CRYBG2: variants seen among roughly 807,000 people sequenced by gnomAD.
CRYBG2 encodes crystallin beta-gamma domain containing 2, also known as beta/gamma crystallin domain-containing protein 2.
Under a neutral mutation model 153.4 loss-of-function variants are expected in CRYBG2, and 106 were observed. That is an observed-to-expected ratio of 0.69 (90% CI 0.59 to 0.81). The LOEUF (loss-of-function observed/expected upper bound fraction) is 0.81, where lower values mean the gene tolerates loss of function less well. CRYBG2 is among the 30% of genes least tolerant of loss of function. The pLI is 0.00. For synonymous variants in CRYBG2, 851 were observed against 877.8 expected, an observed-to-expected ratio of 0.97 and a Z score of 0.54; for missense variants, 1,996 against 2,112.0, an observed-to-expected ratio of 0.95 and a Z score of 1.08.
intron 18 of CRYBG2, 34 bp from the exon 19 acceptor site, chr1:26,322,357 TC>T (rs1294841433): frequency 1.9e-6 from 3 of 1,594,996 alleles, no homozygotes. Flanking sequence ...GCATTGTTCC[TC>T]CCCACAGGGA....
rs1337162541 is a variant in CRYBG2, at chr1:26,345,577, C to A, written c.1081G>T (p.Val361Phe). ...VPSSPRLETH[V>F]PSPGLTHPAK... ...GGGTGAGTTAGGCCAGGAGAGGGGACATGGGTCTCGAGTCTGGGAGAGGAG... is the reference window on the plus strand; with the variant it reads ...GGGTGAGTTAGGCCAGGAGAGGGGAAATGGGTCTCGAGTCTGGGAGAGGAG... Residue 361 changes from valine (V) to phenylalanine (F), a missense_variant, in exon 2 of 20, where the codon GTC (valine) becomes TTC (phenylalanine). By Grantham distance (50) the Val-to-Phe change is conservative. Transcript: ENST00000308182. 9 of 1,604,582 alleles carry A rather than the reference C, an allele frequency of 5.6e-6. No individual in the cohort carries two copies. In the South Asian group the frequency reaches 8.8e-5, roughly 16 times the overall value.
intron 18 of CRYBG2, 70 bp from the exon 19 acceptor site, chr1:26,322,393 G>T: frequency 6.6e-7 from 1 of 1,516,988 alleles, no homozygotes; most frequent in South Asian, 1.2e-5. Context: ...AGAAACCCTT[G>T]ACCCATCTGC....
At position 26,343,428 on chromosome 1, in the gene CRYBG2, C is replaced by T; in HGVS notation, c.2914-135G>A. Reference sequence around the variant, plus strand: ...AAGGAGCTGGCGCATAGAGGATGCTCACACTTGTTCCCAACCCCCAAGGGC... The same window carrying T: ...AAGGAGCTGGCGCATAGAGGATGCTTACACTTGTTCCCAACCCCCAAGGGC... On this transcript the variant is annotated intron_variant, in intron 2 of 19. Coordinates refer to ENST00000308182, the MANE Select transcript of CRYBG2 (RefSeq NM_001039775.4). This position sits in a 1 kb window ranked among gnomAD's most constrained non-coding sequence, Gnocchi z 4.1. 2.7e-6 allele frequency: 3 copies of T among 1,121,930 alleles called. No homozygotes were observed. The highest frequency in any genetic ancestry group is 3.9e-6 in the Non-Finnish European group (3 of 767,700). The allele number at this position is 1,121,930 out of a possible 1,614,324, so 69.5% of individuals were successfully genotyped here.
intron 1 of CRYBG2, among the ~76,000 whole-genome samples, chr1:26,348,478 T>C (rs1353388378): frequency 6.6e-6 from 1 of 152,238 alleles, no homozygotes; most frequent in South Asian, 2.1e-4. Flanking sequence ...GGAGGATCAC[T>C]TGAGCCCAGG....
intron 9 of CRYBG2, 57 bp downstream of exon 9, chr1:26,337,481 C>A: frequency 6.2e-7 from 1 of 1,604,282 alleles, no homozygotes; most frequent in South Asian, 1.1e-5. Context: ...TCACTCCCCA[C>A]TCCCAAGGGT....
At chr1:26,327,790 T>C (rs2073949772) in intron 17 of CRYBG2, among the ~76,000 whole-genome samples, 1 of 151,444 alleles carries the variant, frequency 6.6e-6, no homozygotes, top group Non-Finnish European at 1.5e-5. Context: ...CTACTAAAAA[T>C]ACAAAAATTA....
chr1:26,338,240 T>C, intron 7 of CRYBG2, 111 bp downstream of exon 7: 1 of 1,485,596 alleles, frequency 6.7e-7, no homozygotes, highest in South Asian at 1.3e-5. Flanking sequence ...CTCCAAGGGG[T>C]GCTGTTTTAC....
At position 26,337,030 on chromosome 1, in the gene CRYBG2, C is replaced by T. The variant is rs561917384; in HGVS notation, c.3772-50G>A. ...CTCTCCCGCCCACAAACCGAAACCC[C>T]TGGGAGTGCCCAGACCCCAGGGTCA... On this transcript the variant is annotated intron_variant, in intron 10 of 19. Transcript: ENST00000308182. 7 of 1,605,574 alleles carry T rather than the reference C, an allele frequency of 4.4e-6. No homozygotes were observed. In the South Asian group the frequency reaches 7.8e-5, roughly 18 times the overall value.
Position 26,346,688 on chromosome 1 carries a change from C to A in CRYBG2, c.-31G>T. 1 of 1,490,984 alleles carries A rather than the reference C, an allele frequency of 6.7e-7. No individual in the cohort carries two copies. The highest frequency in any genetic ancestry group is 2.5e-5 in the East Asian group (1 of 40,400). The allele number at this position is 1,490,984 out of a possible 1,614,324, so 92.4% of individuals were successfully genotyped here. The stretch of plus-strand genomic sequence containing the variant: ...GCCCTGGCAACCTGTCTGGAGGTGT[C>A]CTTGTCCCACTGTGGTCCAGCTCCC... On this transcript the variant is annotated 5_prime_UTR_variant, in exon 2 of 20. Transcript: ENST00000308182. The surrounding 1 kb of genome is among the most constrained non-coding windows in gnomAD (Gnocchi z 4.9).
In CRYBG2 at chr1:26,344,216, G is replaced by T. The variant is rs766842233; in HGVS notation, c.2442C>A (p.Gly814=). The T allele has an allele frequency of 1.1e-5, 17 of 1,535,532 alleles. No individual in the cohort carries two copies. The highest frequency in any genetic ancestry group is 7.9e-5 in the Admixed American group (4 of 50,890). Residue 814 remains glycine (G), a synonymous_variant, in exon 2 of 20, where the codon GGC becomes GGA. Transcript: ENST00000308182. ...EEDQLGPWVL[G]PGPQEVPSLE... is the part of the protein sequence containing the mutation. ...GTGAAGGCACCTCCTGGGGTCCGGG[G>T]CCCAGCACCCATGGCCCCAGCTGGT...
Position 26,345,702 on chromosome 1 carries a change from C to T in CRYBG2, c.956G>A (p.Arg319Lys), listed in dbSNP as rs746466537. The change falls in exon 2 of 20, where the codon AGA (arginine) becomes AAA (lysine). Residue 319 changes from arginine (R) to lysine (K), a missense_variant. Coordinates refer to ENST00000308182, the MANE Select transcript of CRYBG2 (RefSeq NM_001039775.4). ...CTCACAGGCCCTGGCATCCGGGGCT[C>T]TGCCCTGGTCTCTGTCCGGACAGGC... ...PAACPDRDQG[R>K]APDARACELW... The T allele has an allele frequency of 6.9e-6, 11 of 1,597,778 alleles. No individual in the cohort carries two copies. The highest frequency in any genetic ancestry group is 2.2e-5 in the South Asian group (2 of 90,968).
chr1:26,332,999 G>A (rs2124699115), intron 14 of CRYBG2, among the ~76,000 whole-genome samples: 2 of 39,760 alleles, frequency 5.0e-5, no homozygotes, highest in African/African-American at 8.7e-5. Flanking sequence ...GCCAGTGGAT[G>A]AACACACCAA....
chr1:26,345,427 C>T lies in CRYBG2; in HGVS notation c.1231G>A (p.Glu411Lys), dbSNP rs577661142. 122 of 1,608,290 alleles carry T rather than the reference C, an allele frequency of 7.6e-5. 1 individual carries two copies. The South Asian group carries it at 1.1e-3, about 14-fold the overall frequency. The change falls in exon 2 of 20, where the codon GAG (glutamate) becomes AAG (lysine). Residue 411 changes from glutamate (E) to lysine (K), a missense_variant. Coordinates refer to ENST00000308182, the MANE Select transcript of CRYBG2 (RefSeq NM_001039775.4). The part of the protein sequence containing the change: ...AATVLPMVRS[E>K]HVTVPGQPPA... ...GGTTGTCCAGGGACTGTCACATGCT[C>T]GCTCCTCACCATGGGCAGGACGGTG...
At chr1:26,350,451 G>T (rs1166272192) in intron 1 of CRYBG2, among the ~76,000 whole-genome samples, 1 of 152,150 alleles carries the variant, frequency 6.6e-6, no homozygotes, top group Admixed American at 6.5e-5. Context: ...AATCCCAGGA[G>T]CTTGAGACCT....
At chr1:26,349,156 G>A (rs1025230013) in intron 1 of CRYBG2, among the ~76,000 whole-genome samples, 5 of 152,046 alleles carry the variant, frequency 3.3e-5, no homozygotes, top group Admixed American at 2.6e-4. Flanking sequence ...GCAACAGAGC[G>A]AGACTCTGTC....
In CRYBG2 at chr1:26,338,457, G is replaced by A; in HGVS notation, c.3365C>T (p.Pro1122Leu). The change falls in exon 7 of 20, where the codon CCA becomes CTA. Residue 1122 changes from proline to leucine, a missense_variant. Physicochemically the swap from Pro to Leu is moderately conservative, Grantham distance 98. Coordinates refer to ENST00000308182, the MANE Select transcript of CRYBG2 (RefSeq NM_001039775.4). ...SAGLWLLYPKPLFEDTPYILE... is the reference protein window; with the variant it reads ...SAGLWLLYPKLLFEDTPYILE... ...GATGTAGGGAGTGTCTTCGAATAAT[G>A]GTTTGGGGTACAGTAGCCACCTAGG... The A allele has an allele frequency of 1.2e-5, 20 of 1,611,826 alleles. No homozygotes were observed. The highest frequency in any genetic ancestry group is 1.7e-5 in the Non-Finnish European group (20 of 1,178,946).
intron 18 of CRYBG2, among the ~76,000 whole-genome samples, chr1:26,323,759 C>T (rs2073887369): frequency 6.6e-6 from 1 of 152,148 alleles, no homozygotes; most frequent in Admixed American, 6.6e-5. Context: ...AGACTACAGG[C>T]ATGCACCACC....
chr1:26,327,975 A>G (rs2073952515), intron 17 of CRYBG2, among the ~76,000 whole-genome samples: 1 of 152,016 alleles, frequency 6.6e-6, no homozygotes, highest in South Asian at 2.1e-4. Flanking sequence ...AAGAAAGAGA[A>G]AAAAAAGCTT....
chr1:26,337,965 A>G, intron 8 of CRYBG2, 47 bp downstream of exon 8: 4 of 1,601,098 alleles, frequency 2.5e-6, no homozygotes, highest in Non-Finnish European at 3.4e-6. Flanking sequence ...AAACACCTGC[A>G]CCCCGCCACC....
Sources: allele counts gnomAD v4.1 joint callset (sites outside exome capture counted in the v4.1 genomes callset), GRCh38; gene constraint gnomAD v4.1.1; non-coding constraint Gnocchi (gnomAD v3.1); transcripts MANE v1.5; gene names NCBI Gene and HGNC (gene_info 2026-07-23, HGNC 2026-07-21).